Variants in PCCA observed in about 807,000 individuals in gnomAD.
The protein encoded by PCCA is propionyl-CoA carboxylase subunit alpha, also known as propionyl-CoA carboxylase alpha chain, mitochondrial.
Under a neutral mutation model 101.3 loss-of-function variants are expected in PCCA, and 74 were observed. The ratio of observed to expected loss-of-function variants is 0.73; its 90% CI spans 0.61 to 0.89. The LOEUF is 0.89. PCCA is among the 40% of genes least tolerant of loss of function. PCCA has a pLI of 0.00. For missense variants in PCCA, 891 were observed against 907.0 expected (o/e 0.98, Z 0.23); for synonymous variants, 294 against 313.6 (o/e 0.94, Z 0.66).
At chr13:100,293,657 C>T (rs1207079622) in intron 12 of PCCA, among the ~76,000 whole-genome samples, 1 of 151,996 alleles carries the variant, frequency 6.6e-6, no homozygotes, top group Non-Finnish European at 1.5e-5. Flanking sequence ...AAATGTTGAC[C>T]TTTTTGATTG....
intron 19 of PCCA, among the ~76,000 whole-genome samples, chr13:100,389,036 A>G (rs1363716749): frequency 2.0e-5 from 3 of 152,204 alleles, no homozygotes; most frequent in African/African-American, 4.8e-5. Context: ...ACCAGTGGTA[A>G]TCAAAAGAGA....
In PCCA at chr13:100,518,071, A is replaced by G. The variant is rs375390257; in HGVS notation, c.2040+2504A>G. Reference sequence around the variant, plus strand: ...CGAGGTTCCCCTTTTATGGGTGGGAAGATAATGGAGTCAGTCTCCTTGGTG... The same window carrying G: ...CGAGGTTCCCCTTTTATGGGTGGGAGGATAATGGAGTCAGTCTCCTTGGTG... On this transcript the variant is annotated intron_variant, in intron 22 of 23. Coordinates refer to ENST00000376285, the MANE Select transcript of PCCA (RefSeq NM_000282.4). 2.0e-5 allele frequency among the ~76,000 whole-genome samples: 3 copies of G among 152,318 alleles called. No individual in the cohort carries two copies. The East Asian group carries it at 5.8e-4, about 29-fold the overall frequency.
intron 6 of PCCA, among the ~76,000 whole-genome samples, chr13:100,195,361 C>T (rs139288504): frequency 3.3e-5 from 5 of 152,194 alleles, no homozygotes; most frequent in African/African-American, 1.2e-4. Context: ...CAGAAAGAAA[C>T]TTCTGAAAAA....
chr13:100,120,772 G>A (rs890091079), intron 4 of PCCA, among the ~76,000 whole-genome samples: 2 of 152,076 alleles, frequency 1.3e-5, no homozygotes, highest in African/African-American at 4.8e-5. Flanking sequence ...AGGAAAGCAC[G>A]CTTATTATTC....
At chr13:100,165,463 A>T (rs569498443) in intron 6 of PCCA, among the ~76,000 whole-genome samples, 82 of 152,332 alleles carry the variant, frequency 5.4e-4, no homozygotes, top group African/African-American at 1.9e-3. Flanking sequence ...TTACTGCCAG[A>T]GACCTATTGC....
At chr13:100,174,082 T>C (rs987308569) in intron 6 of PCCA, among the ~76,000 whole-genome samples, 1 of 152,162 alleles carries the variant, frequency 6.6e-6, no homozygotes, top group Admixed American at 6.6e-5. Context: ...TGGAGGATTG[T>C]CAGATACTAT....
At chr13:100,249,623 G>C (rs1284967604) in intron 8 of PCCA, among the ~76,000 whole-genome samples, 2 of 152,126 alleles carry the variant, frequency 1.3e-5, no homozygotes, top group Non-Finnish European at 2.9e-5. Flanking sequence ...TAAATTGCTA[G>C]GACTTTGATT....
At chr13:100,517,083 G>GTT (rs1440867668) in intron 22 of PCCA, among the ~76,000 whole-genome samples, 2 of 129,054 alleles carry the variant, frequency 1.5e-5, no homozygotes, top group African/African-American at 5.7e-5. Context: ...GTGTGTGTGT[G>GTT]TGTGTGTTTC....
intron 4 of PCCA, among the ~76,000 whole-genome samples, chr13:100,114,902 C>G (rs547074387): frequency 1.3e-5 from 2 of 152,248 alleles, no homozygotes; most frequent in South Asian, 4.1e-4. Context: ...TATGATCCGG[C>G]TGCTAGATGT....
chr13:100,480,256 C>A (rs1296217793), intron 21 of PCCA: 3 of 152,192 alleles, frequency 2.0e-5, no homozygotes, highest in Non-Finnish European at 4.4e-5. Flanking sequence ...GTAATTTCTA[C>A]TCACCCACAT....
At chr13:100,462,818 C>T (rs2082260383) in intron 21 of PCCA, among the ~76,000 whole-genome samples, 1 of 152,136 alleles carries the variant, frequency 6.6e-6, no homozygotes, top group Non-Finnish European at 1.5e-5. Flanking sequence ...AGTCATTGGG[C>T]CCATTGTCAC....
chr13:100,374,137 A>G (rs2075753760), intron 19 of PCCA, among the ~76,000 whole-genome samples: 1 of 151,974 alleles, frequency 6.6e-6, no homozygotes, highest in South Asian at 2.1e-4. Context: ...AATAAATAAA[A>G]TAAAAAAGGA....
intron 6 of PCCA, among the ~76,000 whole-genome samples, chr13:100,182,255 C>T (rs2056869113): frequency 6.6e-6 from 1 of 151,838 alleles, no homozygotes; most frequent in Non-Finnish European, 1.5e-5. Context: ...CGCCACCACA[C>T]CTGGCTCATT....
At chr13:100,212,993 T>A (rs1371878987) in intron 7 of PCCA, among the ~76,000 whole-genome samples, 2 of 152,096 alleles carry the variant, frequency 1.3e-5, no homozygotes. Context: ...GTCAAATTTG[T>A]CTTTCTATGT....
At chr13:100,522,705 C>A (rs945415322) in intron 22 of PCCA, among the ~76,000 whole-genome samples, 1 of 152,164 alleles carries the variant, frequency 6.6e-6, no homozygotes, top group South Asian at 2.1e-4. Context: ...TTTTGTTACT[C>A]CCCGTCTGTT....
At chr13:100,340,523 TC>T (rs2071141025) in intron 18 of PCCA, among the ~76,000 whole-genome samples, 1 of 152,242 alleles carries the variant, frequency 6.6e-6, no homozygotes, top group South Asian at 2.1e-4. Context: ...CGATGGGAAA[TC>T]CATTCGAGTA....
At chr13:100,224,296 C>T (rs1224686922) in intron 7 of PCCA, among the ~76,000 whole-genome samples, 1 of 152,254 alleles carries the variant, frequency 6.6e-6, no homozygotes, top group Non-Finnish European at 1.5e-5. Context: ...GGCCAGGGTG[C>T]TAAGTCCCTC....
At chr13:100,350,094 AGATGAGTGGG>A (rs2073077956) in intron 18 of PCCA, among the ~76,000 whole-genome samples, 1 of 152,236 alleles carries the variant, frequency 6.6e-6, no homozygotes, top group Non-Finnish European at 1.5e-5. Flanking sequence ...AACCACTGAA[AGATGAGTGGG>A]GTGAGAAACA....
chr13:100,176,057 TA>T (rs1383988768), intron 6 of PCCA, among the ~76,000 whole-genome samples: 1 of 152,210 alleles, frequency 6.6e-6, no homozygotes, highest in Non-Finnish European at 1.5e-5. Context: ...CCTCGGTTCT[TA>T]GGGATCAGAT....
Sources: allele counts gnomAD v4.1 joint callset (sites outside exome capture counted in the v4.1 genomes callset), GRCh38; gene constraint gnomAD v4.1.1; transcripts MANE v1.5; gene names NCBI Gene and HGNC (gene_info 2026-07-23, HGNC 2026-07-21).